The following MDGA2 variants were observed in gnomAD, a reference collection of about 807,000 sequenced individuals.
MDGA2 encodes MAM domain-containing glycosylphosphatidylinositol anchor protein 2.
MDGA2 carries 40 observed loss-of-function variants against 117.8 expected under a neutral mutation model. That is an observed-to-expected ratio of 0.34 (90% CI 0.26 to 0.44). The LOEUF is 0.44. Ranked by LOEUF, MDGA2 falls within the 20% of genes least tolerant of loss-of-function variation. The pLI is 1.00. For synonymous variants in MDGA2, 452 were observed against 439.0 expected, an observed-to-expected ratio of 1.03 and a Z score of -0.37; for missense variants, 1,123 against 1,250.6, an observed-to-expected ratio of 0.90 and a Z score of 1.54.
chr14:47,076,370 A>G (rs1890491562), intron 6 of MDGA2, among the ~76,000 whole-genome samples: 1 of 152,112 alleles, frequency 6.6e-6, no homozygotes, highest in African/African-American at 2.4e-5. Context: ...AATATTCATA[A>G]TTTCTTGCGG....
At chr14:47,275,845 C>T (rs1332984191) in intron 2 of MDGA2, among the ~76,000 whole-genome samples, 28 of 152,072 alleles carry the variant, frequency 1.8e-4, no homozygotes, top group Admixed American at 1.8e-3. Context: ...GAGCAGCCTG[C>T]GTAATGTAAT....
chr14:46,976,816 C>T (rs1473888491), intron 8 of MDGA2, among the ~76,000 whole-genome samples: 1 of 151,802 alleles, frequency 6.6e-6, no homozygotes, highest in Non-Finnish European at 1.5e-5. Flanking sequence ...TATAATCTCA[C>T]AGATAGAAAG....
chr14:47,380,351 G>T (rs982334154), intron 1 of MDGA2, among the ~76,000 whole-genome samples: 3 of 151,982 alleles, frequency 2.0e-5, no homozygotes, highest in Admixed American at 6.6e-5. Context: ...GCTAGCAGAA[G>T]GCAAGAAATA....
At chr14:47,014,006 G>A (rs1293442568) in intron 8 of MDGA2, among the ~76,000 whole-genome samples, 4 of 151,556 alleles carry the variant, frequency 2.6e-5, no homozygotes, top group Non-Finnish European at 5.9e-5. Context: ...TGTTGGCCAG[G>A]CTGGTCTTGA....
intron 1 of MDGA2, among the ~76,000 whole-genome samples, chr14:47,663,071 T>C (rs1399949803): frequency 6.6e-6 from 1 of 152,154 alleles, no homozygotes; most frequent in Non-Finnish European, 1.5e-5. Context: ...AGAGTCACAA[T>C]AATGGCGTAG....
rs1888700743 is a variant in MDGA2 at position 47,286,831 on chromosome 14, ATATATG to A, written c.420+14574_420+14579del. On this transcript the variant is annotated intron_variant, in intron 2 of 16. Transcript: ENST00000399232. ...TATATATATATATATATATACATAT[ATATATG>A]TATATATATATATACTTTACTATGA... 2.5e-5 allele frequency among the ~76,000 whole-genome samples: 3 copies of A among 119,938 alleles called. No homozygotes were observed. The South Asian group carries it at 6.7e-4, about 27-fold the overall frequency. 78.7% of individuals were successfully genotyped at this position (119,938 alleles called of 152,430 possible).
chr14:47,504,717 A>G (rs1894474730), intron 1 of MDGA2, among the ~76,000 whole-genome samples: 1 of 152,192 alleles, frequency 6.6e-6, no homozygotes. Context: ...TGAAAAGGGA[A>G]CACTAACAAA....
At chr14:47,113,422 A>T (rs566351956) in intron 5 of MDGA2, among the ~76,000 whole-genome samples, 1 of 152,286 alleles carries the variant, frequency 6.6e-6, no homozygotes, top group Admixed American at 6.5e-5. Flanking sequence ...TGAGGCCAGC[A>T]TGATCCTAGT....
chr14:47,323,943 G>T (rs1890063187), intron 1 of MDGA2, among the ~76,000 whole-genome samples: 2 of 151,904 alleles, frequency 1.3e-5, no homozygotes, highest in South Asian at 4.2e-4. Flanking sequence ...ATACAAAATG[G>T]TGTATTAAGA....
chr14:47,186,344 GA>G (rs1393584157), intron 3 of MDGA2, among the ~76,000 whole-genome samples: 3 of 151,554 alleles, frequency 2.0e-5, no homozygotes, highest in African/African-American at 7.3e-5. Context: ...TCATATGAAA[GA>G]ATAAATTGCC....
At chr14:46,930,709 T>TA (rs1884535956) in intron 9 of MDGA2, among the ~76,000 whole-genome samples, 1 of 152,174 alleles carries the variant, frequency 6.6e-6, no homozygotes, top group Non-Finnish European at 1.5e-5. Flanking sequence ...TTCATTTTGA[T>TA]AAAGCGACTG....
chr14:47,467,975 GT>G (rs1893638723), intron 1 of MDGA2, among the ~76,000 whole-genome samples: 2 of 152,140 alleles, frequency 1.3e-5, no homozygotes, highest in Non-Finnish European at 2.9e-5. Flanking sequence ...TGGGTAAGAA[GT>G]TGAAGAAACA....
chr14:47,662,953 A>T (rs1956341), intron 1 of MDGA2, among the ~76,000 whole-genome samples: 152,280 of 152,328 alleles, frequency 1, 76,116 homozygotes, highest in Middle Eastern at 1. Context: ...TAATTGGGAC[A>T]AAGACCTAAA....
chr14:46,889,470 C>T (rs994643643), intron 10 of MDGA2, among the ~76,000 whole-genome samples: 32 of 152,056 alleles, frequency 2.1e-4, no homozygotes, highest in Non-Finnish European at 2.5e-4. Flanking sequence ...TCCTTGAAAG[C>T]ATCCTGGTGT....
intron 6 of MDGA2, among the ~76,000 whole-genome samples, chr14:47,093,684 A>G (rs1879800130): frequency 6.6e-6 from 1 of 152,156 alleles, no homozygotes; most frequent in Non-Finnish European, 1.5e-5. Context: ...TCAGTTTTCT[A>G]CTTCTTATCT....
intron 1 of MDGA2, among the ~76,000 whole-genome samples, chr14:47,485,473 A>G (rs1894040946): frequency 6.6e-6 from 1 of 152,186 alleles, no homozygotes; most frequent in African/African-American, 2.4e-5. Context: ...TAACAATGCA[A>G]TAGGAAAGAA....
At chr14:47,067,527 A>G (rs1194104427) in intron 6 of MDGA2, among the ~76,000 whole-genome samples, 1 of 152,226 alleles carries the variant, frequency 6.6e-6, no homozygotes, top group Non-Finnish European at 1.5e-5. Flanking sequence ...AAGTAATGGT[A>G]CATTGAAGTT....
intron 1 of MDGA2, among the ~76,000 whole-genome samples, chr14:47,386,444 T>C (rs1041113985): frequency 6.6e-6 from 1 of 152,162 alleles, no homozygotes; most frequent in Non-Finnish European, 1.5e-5. Context: ...AGTTTCACAA[T>C]GAAATGGCCA....
At chr14:46,930,626 A>AGGTAGTTAT (rs1884533552) in intron 9 of MDGA2, among the ~76,000 whole-genome samples, 1 of 152,166 alleles carries the variant, frequency 6.6e-6, no homozygotes, top group Non-Finnish European at 1.5e-5. Flanking sequence ...TTGAAATGAG[A>AGGTAGTTAT]AAGAGTTAAT....
Sources: allele counts gnomAD v4.1 joint callset (sites outside exome capture counted in the v4.1 genomes callset), GRCh38; gene constraint gnomAD v4.1.1; transcripts MANE v1.5; gene names NCBI Gene and HGNC (gene_info 2026-07-23, HGNC 2026-07-21).